The following NCOA6 variants were observed in gnomAD, a reference collection of about 807,000 sequenced individuals.
NCOA6 encodes the protein NRC RAP250.
In NCOA6, 49 loss-of-function variants were observed where a neutral mutation model predicts 171.4. The ratio of observed to expected loss-of-function variants is 0.29; its 90% CI spans 0.23 to 0.36. NCOA6 has a LOEUF of 0.36. Among genes scored for constraint, NCOA6 ranks in the 10% least tolerant of loss-of-function variants. NCOA6 has a pLI of 1.00. For missense variants in NCOA6, 2,248 were observed against 2,554.5 expected (o/e 0.88, Z 2.59); for synonymous variants, 910 against 927.5 (o/e 0.98, Z 0.34).
rs536930202 is a variant in NCOA6, at chr20:34,825,591, C to A, written c.-283G>T. On this transcript the variant is annotated 5_prime_UTR_variant, in exon 1 of 15. Transcript: ENST00000359003. The stretch of plus-strand genomic sequence containing the variant: ...GCGTGCGCCCGTCTGTCCCGCCGCC[C>A]GCGCCCGGCCGCCCGCAGCCCGACC... 1.7e-3 allele frequency: 263 copies of A among 151,444 alleles called. 2 individuals carry two copies. The highest frequency in any genetic ancestry group is 3.0e-3 in the Non-Finnish European group (203 of 67,886). 9.4% of individuals were successfully genotyped at this position (151,444 alleles called of 1,614,324 possible).
In NCOA6 at chr20:34,780,854, A is replaced by G. The variant is rs190206545; in HGVS notation, c.235+1267T>C. ...TTTTCTGTAGAGATGAGGTCTCTCT[A>G]TATTGTCCAGGTTGGTCTTGAACTC... On this transcript the variant is annotated intron_variant, in intron 3 of 14. Coordinates refer to ENST00000359003, the MANE Select transcript of NCOA6 (RefSeq NM_014071.5). 7.3e-5 allele frequency among the ~76,000 whole-genome samples: 11 copies of G among 151,706 alleles called. No individual in the cohort carries two copies. In the East Asian group the frequency reaches 1.7e-3, roughly 24 times the overall value.
chr20:34,756,414 TG>T lies in NCOA6; in HGVS notation c.1528+805del, dbSNP rs756789627. ...CAAGGGGTTTTTTCTGGGTAGGCAATGGGTGTCTTTTGGTGGGGAGTATGTT... is the reference window on the plus strand; with the variant it reads ...CAAGGGGTTTTTTCTGGGTAGGCAATGGTGTCTTTTGGTGGGGAGTATGTT... On this transcript the variant is annotated intron_variant, in intron 7 of 14. Transcript: ENST00000359003. Among the ~76,000 whole-genome samples the T allele has an allele frequency of 3.7e-4, 56 of 152,218 alleles. 1 individual carries two copies. Among genetic ancestry groups the T allele is most frequent in the Admixed American group, 2.1e-3 (32 of 15,282 alleles).
chr20:34,730,012 AG>A (rs1439800291), intron 13 of NCOA6, among the ~76,000 whole-genome samples: 5 of 152,162 alleles, frequency 3.3e-5, no homozygotes, highest in African/African-American at 1.2e-4. Context: ...CTTTCTGGCT[AG>A]GAGCTCAGAA....
At chr20:34,769,897 T>C (rs905717914) in intron 4 of NCOA6, among the ~76,000 whole-genome samples, 1 of 152,198 alleles carries the variant, frequency 6.6e-6, no homozygotes, top group African/African-American at 2.4e-5. Context: ...AAAATATAGC[T>C]AGTCTGTGGC....
At chr20:34,754,915 T>G in intron 7 of NCOA6, 47 bp from the exon 8 acceptor site, 3 of 1,597,682 alleles carry the variant, frequency 1.9e-6, no homozygotes, top group Non-Finnish European at 2.6e-6. Flanking sequence ...AAATTTATAC[T>G]CTTGCTTAGA....
chr20:34,823,374 GAAAAGA>G (rs2079062324), intron 1 of NCOA6, among the ~76,000 whole-genome samples: 1 of 136,326 alleles, frequency 7.3e-6, no homozygotes, highest in Non-Finnish European at 1.7e-5. Flanking sequence ...AAAAAGAAAA[GAAAAGA>G]AAAGAAAAAC....
chr20:34,736,161 C>T (rs374010445), intron 12 of NCOA6, among the ~76,000 whole-genome samples: 1 of 152,146 alleles, frequency 6.6e-6, no homozygotes, highest in East Asian at 1.9e-4. Context: ...ATCCCTTGTG[C>T]TATTTACAAT....
intron 1 of NCOA6, among the ~76,000 whole-genome samples, chr20:34,824,538 A>G (rs1222177547): frequency 4.6e-5 from 7 of 152,256 alleles, no homozygotes; most frequent in African/African-American, 1.7e-4. Flanking sequence ...TCCAGGGAAG[A>G]CACCTTGGGT....
intron 5 of NCOA6, among the ~76,000 whole-genome samples, chr20:34,764,421 C>T (rs545890497): frequency 3.3e-5 from 5 of 152,178 alleles, no homozygotes; most frequent in Admixed American, 2.0e-4. Flanking sequence ...AGGCCGGACG[C>T]GGTGGCTCAC....
At chr20:34,767,729 G>A (rs2077022773) in intron 5 of NCOA6, among the ~76,000 whole-genome samples, 1 of 152,138 alleles carries the variant, frequency 6.6e-6, no homozygotes, top group Non-Finnish European at 1.5e-5. Flanking sequence ...GTGCTTTTCT[G>A]TTTTATTTGA....
At chr20:34,715,457 G>T in intron 14 of NCOA6, 92 bp from the exon 15 acceptor site, 2 of 902,720 alleles carry the variant, frequency 2.2e-6, no homozygotes, top group Non-Finnish European at 3.7e-6. Context: ...AGACCTAAGG[G>T]GAGCCCTACT....
At chr20:34,783,303 T>C (rs939652360) in intron 2 of NCOA6, among the ~76,000 whole-genome samples, 1 of 152,046 alleles carries the variant, frequency 6.6e-6, no homozygotes, top group Admixed American at 6.6e-5. Context: ...GGGGTTGATA[T>C]GGACAGGTAA....
Position 34,741,656 on chromosome 20 carries a change from G to C in NCOA6, c.4600C>G (p.Leu1534Val). 1 of 1,614,220 alleles carries C rather than the reference G, an allele frequency of 6.2e-7. No individual in the cohort carries two copies. Among genetic ancestry groups the C allele is most frequent in the Non-Finnish European group, 8.5e-7 (1 of 1,180,042 alleles). The change falls in exon 11 of 15, where the codon CTG becomes GTG. Residue 1534 changes from leucine to valine, a missense_variant. By Grantham distance (32) the Leu-to-Val change is conservative. Transcript: ENST00000359003. ...DLKKASVIPT[L>V]QDLSSSKEPS... Reference sequence around the variant, plus strand: ...TCTTTAGAAGAAGACAGATCCTGCAGTGTGGGAATGACAGATGCTTTTTTG... The same window carrying C: ...TCTTTAGAAGAAGACAGATCCTGCACTGTGGGAATGACAGATGCTTTTTTG...
chr20:34,738,211 A>C (rs74679766), intron 11 of NCOA6, among the ~76,000 whole-genome samples: 1 of 152,194 alleles, frequency 6.6e-6, no homozygotes, highest in Admixed American at 6.5e-5. Context: ...CCAATTTCTC[A>C]TATTTTCAAA....
At chr20:34,807,929 C>G (rs2078514462) in intron 1 of NCOA6, among the ~76,000 whole-genome samples, 1 of 151,062 alleles carries the variant, frequency 6.6e-6, no homozygotes, top group Non-Finnish European at 1.5e-5. Context: ...GAGGGTGGAT[C>G]ACATGAAGTC....
intron 12 of NCOA6, chr20:34,732,863 A>G (rs2075829456): frequency 3.4e-6 from 1 of 296,182 alleles, no homozygotes; most frequent in Non-Finnish European, 6.3e-6. Flanking sequence ...TTCCTTGTTC[A>G]TATTTCATCC....
chr20:34,825,228 C>G (rs1243748934), intron 1 of NCOA6, among the ~76,000 whole-genome samples: 4 of 151,838 alleles, frequency 2.6e-5, no homozygotes, highest in Non-Finnish European at 5.9e-5. Flanking sequence ...GCCCGGCCGC[C>G]GCTCCCTCCA....
chr20:34,785,167 T>A (rs935427113), intron 2 of NCOA6, among the ~76,000 whole-genome samples: 2 of 152,048 alleles, frequency 1.3e-5, no homozygotes, highest in African/African-American at 4.8e-5. Context: ...ACCTAAGCAA[T>A]CCTTGGGGGA....
At position 34,721,254 on chromosome 20, in the gene NCOA6, A is replaced by C. The variant is rs1453287146; in HGVS notation, c.6149-5889T>G. On this transcript the variant is annotated intron_variant, in intron 14 of 14. Coordinates refer to ENST00000359003, the MANE Select transcript of NCOA6 (RefSeq NM_014071.5). ...TCCTCTATACAAAAAAAAAAAAAAA[A>C]AAAAAAAAAAAAACAACCCGCAAAA... 6.0e-5 allele frequency among the ~76,000 whole-genome samples: 9 copies of C among 150,256 alleles called. No individual in the cohort carries two copies. In the South Asian group the frequency reaches 6.2e-4, roughly 10 times the overall value.
Sources: gnomAD v4.1 joint callset for allele counts (sites outside exome capture counted in the v4.1 genomes callset) on GRCh38, gnomAD v4.1.1 for gene constraint, MANE v1.5 for transcripts, NCBI Gene and HGNC (gene_info 2026-07-23, HGNC 2026-07-21) for gene names.